CUL3: variants seen among roughly 807,000 people sequenced by gnomAD.
CUL3 encodes the protein cullin 3, also known as cullin-3.
A neutral mutation model predicts 89.1 loss-of-function variants in CUL3; 19 were observed. The observed-to-expected ratio is 0.21, with a 90% CI of 0.15 to 0.31. The LOEUF (loss-of-function observed/expected upper bound fraction) is 0.31. CUL3 is among the 10% of genes least tolerant of loss of function. CUL3 has a pLI of 1.00. For synonymous variants in CUL3, 351 were observed against 308.4 expected (o/e 1.14, Z -1.45); for missense variants, 469 against 942.3 (o/e 0.50, Z 6.58).
In CUL3 at chr2:224,472,757, T is replaced by C; in HGVS notation, c.*1488A>G. The C allele has an allele frequency of 5.1e-6, 1 of 196,684 alleles. No homozygotes were observed. Among genetic ancestry groups the C allele is most frequent in the Admixed American group, 6.1e-5 (1 of 16,506 alleles). The allele number at this position is 196,684 out of a possible 1,614,324, so 12.2% of individuals were successfully genotyped here. ...CCCAAGACGCATGGGGAAAAATATT[T>C]ATGTGGAGTTTTTAATCCATATTAG... On this transcript the variant is annotated 3_prime_UTR_variant, in exon 16 of 16. Coordinates refer to ENST00000264414, the MANE Select transcript of CUL3 (RefSeq NM_003590.5).
chr2:224,480,559 A>C (rs1165680251), intron 14 of CUL3, among the ~76,000 whole-genome samples: 1 of 152,204 alleles, frequency 6.6e-6, no homozygotes, highest in East Asian at 1.9e-4. Context: ...ACTTAACACG[A>C]AAATCTAAAA....
chr2:224,483,917 CG>C (rs1559338759), intron 13 of CUL3, among the ~76,000 whole-genome samples: 1 of 152,150 alleles, frequency 6.6e-6, no homozygotes, highest in South Asian at 2.1e-4. Flanking sequence ...GCGCCAAGCA[CG>C]GTTGCTCACG....
intron 10 of CUL3, among the ~76,000 whole-genome samples, chr2:224,502,022 G>A (rs1692411600): frequency 6.6e-6 from 1 of 152,180 alleles, no homozygotes; most frequent in Non-Finnish European, 1.5e-5. Context: ...TCATGGACTT[G>A]CATCTTTCCT....
intron 1 of CUL3, among the ~76,000 whole-genome samples, chr2:224,581,695 G>A (rs1371618051): frequency 6.6e-6 from 1 of 151,450 alleles, no homozygotes; most frequent in Non-Finnish European, 1.5e-5. Context: ...TAGAGACAGG[G>A]GTTTGCATGT....
At chr2:224,546,566 C>T (rs542551442) in intron 2 of CUL3, among the ~76,000 whole-genome samples, 1 of 152,104 alleles carries the variant, frequency 6.6e-6, no homozygotes, top group African/African-American at 2.4e-5. Context: ...TGAGTGCCAA[C>T]CACATGCAAA....
rs1692626594 is a variant in CUL3, at chr2:224,507,013, A to C, written c.884-10T>G. 1 of 1,606,322 alleles carries C rather than the reference A, an allele frequency of 6.2e-7. No individual in the cohort carries two copies. The highest frequency in any genetic ancestry group is 1.3e-5 in the African/African-American group (1 of 74,412). ...TACATGCAACCAAGGTCTACAAATC[A>C]GAAAACACAAATTGGCTACATTAAA... On this transcript the variant is annotated splice_polypyrimidine_tract_variant and intron_variant, in intron 6 of 15. Transcript: ENST00000264414.
At chr2:224,513,785 G>A (rs1170233247) in intron 4 of CUL3, 147 bp from the exon 5 acceptor site, 12 of 400,206 alleles carry the variant, frequency 3.0e-5, no homozygotes, top group Non-Finnish European at 4.0e-5. Context: ...CATGTAAAAC[G>A]AAAGGATTTA....
Position 224,538,030 on chromosome 2 carries a change from T to C in CUL3, c.265-2389A>G, listed in dbSNP as rs552822510. Among the ~76,000 whole-genome samples, 19 of 152,362 alleles carry C rather than the reference T, an allele frequency of 1.2e-4. No homozygotes were observed. In the South Asian group the frequency reaches 3.9e-3, roughly 32 times the overall value. The stretch of plus-strand genomic sequence containing the variant: ...AATAAAACGTGATCTCCTAGTACAA[T>C]GTGTCATAATTGCCTTGTTTGCATC... On this transcript the variant is annotated intron_variant, in intron 2 of 15. Coordinates refer to ENST00000264414, the MANE Select transcript of CUL3 (RefSeq NM_003590.5).
At chr2:224,530,298 G>A (rs1446886763) in intron 3 of CUL3, among the ~76,000 whole-genome samples, 3 of 152,134 alleles carry the variant, frequency 2.0e-5, no homozygotes, top group Non-Finnish European at 4.4e-5. Context: ...TGATTAGGTA[G>A]TAGGTGGGCA....
In CUL3 at chr2:224,470,508, TA is replaced by T. The variant is rs5839066; in HGVS notation, c.*3736del. 0.18 allele frequency: 40,976 copies of T among 231,280 alleles called. 4,170 individuals carry two copies. Among genetic ancestry groups the T allele is most frequent in the East Asian group, 0.29 (4,726 of 16,246 alleles). The allele number at this position is 231,280 out of a possible 1,614,324, so 14.3% of individuals were successfully genotyped here. A position where few individuals can be genotyped will look rare whatever the true frequency, so the allele number is the denominator to read the frequency against. Reference sequence around the variant, plus strand: ...ACCTGTTAAATTTATCTGCCATTCTTAACGTCTCTTCTTCCTTCTGGCTAAT... The same window carrying T: ...ACCTGTTAAATTTATCTGCCATTCTTACGTCTCTTCTTCCTTCTGGCTAAT... On this transcript the variant is annotated 3_prime_UTR_variant, in exon 16 of 16. Transcript: ENST00000264414.
chr2:224,584,685 G>C (rs1455677786), intron 1 of CUL3, among the ~76,000 whole-genome samples: 3 of 150,402 alleles, frequency 2.0e-5, no homozygotes, highest in Non-Finnish European at 4.4e-5. Context: ...CGACGCCCGC[G>C]GAGCGGCTGA....
intron 13 of CUL3, among the ~76,000 whole-genome samples, chr2:224,483,806 T>C (rs62186972): frequency 0.059 from 9,057 of 152,226 alleles, 406 homozygotes; most frequent in African/African-American, 0.11. Context: ...CAATGTTCTG[T>C]TGGTACATGC....
chr2:224,510,267 CTT>C (rs1304684251), intron 6 of CUL3, among the ~76,000 whole-genome samples: 1 of 124,516 alleles, frequency 8.0e-6, no homozygotes. Flanking sequence ...ACTGAAGAGT[CTT>C]TTAAAAAGGA....
intron 2 of CUL3, among the ~76,000 whole-genome samples, chr2:224,554,396 T>TGGA (rs960584409): frequency 1.2e-4 from 19 of 152,228 alleles, no homozygotes; most frequent in African/African-American, 4.3e-4. Context: ...TTTAAAGGAC[T>TGGA]GGAGGTTTAC....
intron 1 of CUL3, among the ~76,000 whole-genome samples, chr2:224,564,437 T>C (rs1345218067): frequency 1.3e-5 from 2 of 152,242 alleles, no homozygotes; most frequent in Non-Finnish European, 2.9e-5. Flanking sequence ...TATCATCTCA[T>C]ACCATCACAA....
intron 13 of CUL3, among the ~76,000 whole-genome samples, chr2:224,491,573 G>C (rs529989416): frequency 6.6e-6 from 1 of 151,980 alleles, no homozygotes; most frequent in African/African-American, 2.4e-5. Flanking sequence ...CTTCTTCTTA[G>C]TATATTAGGA....
At chr2:224,526,429 A>G (rs2462135) in intron 3 of CUL3, among the ~76,000 whole-genome samples, 2 of 151,874 alleles carry the variant, frequency 1.3e-5, no homozygotes, top group Non-Finnish European at 2.9e-5. Flanking sequence ...TAAGAAAAAT[A>G]CAAAAAATTA....
intron 3 of CUL3, among the ~76,000 whole-genome samples, chr2:224,522,481 T>C (rs1415311897): frequency 6.6e-6 from 1 of 152,208 alleles, no homozygotes; most frequent in Non-Finnish European, 1.5e-5. Flanking sequence ...CTGATAAATT[T>C]GGTAGAGAAG....
At chr2:224,538,175 C>G (rs1693961917) in intron 2 of CUL3, among the ~76,000 whole-genome samples, 1 of 152,096 alleles carries the variant, frequency 6.6e-6, no homozygotes, top group Non-Finnish European at 1.5e-5. Context: ...AAACTCATGA[C>G]TGAAAGAAGT....
Sources: gnomAD v4.1 joint callset for allele counts (sites outside exome capture counted in the v4.1 genomes callset) on GRCh38, gnomAD v4.1.1 for gene constraint, MANE v1.5 for transcripts, NCBI Gene and HGNC (gene_info 2026-07-23, HGNC 2026-07-21) for gene names.